The following CAP2 variants were observed in gnomAD, a reference collection of about 807,000 sequenced individuals.
CAP2 encodes cyclase associated actin cytoskeleton regulatory protein 2.
CAP2 carries 24 observed loss-of-function variants against 57.7 expected under a neutral mutation model. That is an observed-to-expected ratio of 0.42 (90% CI 0.30 to 0.58). The LOEUF is 0.58. CAP2 is among the 20% of genes least tolerant of loss of function. The pLI is 0.22. For missense variants in CAP2, 501 were observed against 590.3 expected (o/e 0.85, Z 1.57); for synonymous variants, 194 against 207.2 (o/e 0.94, Z 0.55).
At chr6:17,454,190 A>C (rs754312180) in intron 3 of CAP2, among the ~76,000 whole-genome samples, 1 of 151,938 alleles carries the variant, frequency 6.6e-6, no homozygotes, top group East Asian at 1.9e-4. Context: ...GATTACGGGC[A>C]TGAGCCACTG....
chr6:17,421,802 C>G (rs771547982), intron 2 of CAP2, 126 bp downstream of exon 2: 30 of 1,081,504 alleles, frequency 2.8e-5, no homozygotes, highest in Non-Finnish European at 3.9e-5. Context: ...TCGTATGTGA[C>G]CATAACATTA....
At chr6:17,525,512 T>G (rs1762482613) in intron 7 of CAP2, among the ~76,000 whole-genome samples, 1 of 151,954 alleles carries the variant, frequency 6.6e-6, no homozygotes, top group Non-Finnish European at 1.5e-5. Context: ...CAACCTCTGC[T>G]TATCACCATG....
intron 4 of CAP2, among the ~76,000 whole-genome samples, chr6:17,493,899 T>G (rs1259093253): frequency 1.3e-5 from 2 of 152,128 alleles, no homozygotes; most frequent in Non-Finnish European, 2.9e-5. Flanking sequence ...TTCCTGGTCT[T>G]TGCGCTAAAG....
chr6:17,423,538 T>A (rs1581504991), intron 2 of CAP2, among the ~76,000 whole-genome samples: 2 of 152,270 alleles, frequency 1.3e-5, no homozygotes, highest in Admixed American at 1.3e-4. Flanking sequence ...TTCTGTAAAC[T>A]ACTGACCACA....
Position 17,555,350 on chromosome 6 carries a change from A to C in CAP2, c.1351-1009A>C, listed in dbSNP as rs569201050. ...GCTGGGATTACAGTCATGCGCCACC[A>C]CGCCCGGCTAATTTTGTATTTTTAG... On this transcript the variant is annotated intron_variant, in intron 12 of 12. Transcript: ENST00000229922. Among the ~76,000 whole-genome samples the C allele has an allele frequency of 4.6e-5, 7 of 151,378 alleles. No homozygotes were observed. In the East Asian group the frequency reaches 1.4e-3, roughly 30 times the overall value.
intron 3 of CAP2, among the ~76,000 whole-genome samples, chr6:17,427,289 C>G (rs1759618368): frequency 6.6e-6 from 1 of 152,122 alleles, no homozygotes; most frequent in Non-Finnish European, 1.5e-5. Flanking sequence ...ACATGCTCTT[C>G]TAGTCACAGT....
In CAP2 at chr6:17,397,694, C is replaced by CAAA. The variant is rs554131865; in HGVS notation, c.-2+3969_-2+3971dup. On this transcript the variant is annotated intron_variant, in intron 1 of 12. Transcript: ENST00000229922. ...TGGGCGACAGAGCGAGACTCCATAT[C>CAAA]AAAAAAAAAAAAAAAAAAAAAAAGA... 3.6e-3 allele frequency among the ~76,000 whole-genome samples: 254 copies of CAAA among 70,526 alleles called. 5 individuals are homozygous for CAAA. The East Asian group carries it at 0.056, about 16-fold the overall frequency. The allele number at this position is 70,526 out of a possible 152,430, so 46.3% of individuals were successfully genotyped here.
At chr6:17,457,093 C>T (rs1012849875) in intron 3 of CAP2, among the ~76,000 whole-genome samples, 5 of 152,178 alleles carry the variant, frequency 3.3e-5, no homozygotes, top group African/African-American at 1.2e-4. Flanking sequence ...ACCAGCCTAT[C>T]TGAGAACCCC....
chr6:17,438,779 C>CT (rs57945613), intron 3 of CAP2, among the ~76,000 whole-genome samples: 13 of 142,960 alleles, frequency 9.1e-5, no homozygotes, highest in Non-Finnish European at 1.1e-4. Context: ...ATAAACATAT[C>CT]TTTTTTTTTT....
chr6:17,450,010 C>A (rs953221792), intron 3 of CAP2, among the ~76,000 whole-genome samples: 1 of 151,892 alleles, frequency 6.6e-6, no homozygotes, highest in Non-Finnish European at 1.5e-5. Flanking sequence ...AAACAACCCA[C>A]AGAAATCATC....
chr6:17,416,975 T>TAAC (rs1209335263), intron 1 of CAP2, among the ~76,000 whole-genome samples: 1 of 152,050 alleles, frequency 6.6e-6, no homozygotes, highest in Non-Finnish European at 1.5e-5. Flanking sequence ...GCATGCACTG[T>TAAC]AATCCTAGTT....
chr6:17,492,175 T>C (rs1761559237), intron 4 of CAP2, among the ~76,000 whole-genome samples: 1 of 152,226 alleles, frequency 6.6e-6, no homozygotes. Flanking sequence ...AAATCTTCTA[T>C]AATCAACCAT....
intron 12 of CAP2, among the ~76,000 whole-genome samples, chr6:17,553,550 T>C (rs958574631): frequency 6.6e-6 from 1 of 151,786 alleles, no homozygotes; most frequent in Non-Finnish European, 1.5e-5. Context: ...GGAGAGTCAC[T>C]TGAACCTGGG....
intron 4 of CAP2, among the ~76,000 whole-genome samples, chr6:17,484,256 G>T (rs145044317): frequency 6.6e-6 from 1 of 152,140 alleles, no homozygotes; most frequent in Non-Finnish European, 1.5e-5. Context: ...AGATAGAAAA[G>T]AATCATTTCC....
intron 7 of CAP2, among the ~76,000 whole-genome samples, chr6:17,533,078 C>CAAAAAAAAAAA (rs58337644): frequency 2.3e-5 from 2 of 87,556 alleles, no homozygotes; most frequent in African/African-American, 8.7e-5. Flanking sequence ...CACCCCCCAC[C>CAAAAAAAAAAA]AAAAAAAAAA....
At chr6:17,430,423 A>G (rs891149563) in intron 3 of CAP2, among the ~76,000 whole-genome samples, 4 of 152,178 alleles carry the variant, frequency 2.6e-5, no homozygotes, top group Non-Finnish European at 5.9e-5. Flanking sequence ...TATAATAGAT[A>G]TTGGGTAAAT....
In CAP2 at chr6:17,463,618, C is replaced by T. The variant is rs77618648; in HGVS notation, c.300+545C>T. On this transcript the variant is annotated intron_variant, in intron 4 of 12. Transcript: ENST00000229922. ...GGTTAAGTGTTTTGTGTTTATGGGT[C>T]GTCTACGGAGCTTCATTGCAGTTTC... is the stretch of plus-strand genomic sequence containing the variant. Among the ~76,000 whole-genome samples the T allele has an allele frequency of 6.1e-3, 930 of 152,200 alleles. 3 individuals are homozygous for T. The highest frequency in any genetic ancestry group is 9.8e-3 in the Non-Finnish European group (664 of 68,018).
chr6:17,509,852 G>T (rs1261941879), intron 6 of CAP2, among the ~76,000 whole-genome samples: 1 of 151,870 alleles, frequency 6.6e-6, no homozygotes, highest in East Asian at 1.9e-4. Context: ...ATAAAACATG[G>T]TATATCCACA....
intron 7 of CAP2, among the ~76,000 whole-genome samples, chr6:17,529,696 A>C (rs1029382988): frequency 6.6e-6 from 1 of 150,752 alleles, no homozygotes; most frequent in African/African-American, 2.4e-5. Context: ...TACAGTATGA[A>C]TTTGTGAAGG....
Sources: gnomAD v4.1 joint callset for allele counts (sites outside exome capture counted in the v4.1 genomes callset) on GRCh38, gnomAD v4.1.1 for gene constraint, MANE v1.5 for transcripts, NCBI Gene and HGNC (gene_info 2026-07-23, HGNC 2026-07-21) for gene names.